Variants in PREX1 observed in about 807,000 individuals in gnomAD.
The protein encoded by PREX1 is phosphatidylinositol 3,4,5-trisphosphate-dependent Rac exchanger 1 protein.
PREX1 carries 41 observed loss-of-function variants against 198.3 expected under a neutral mutation model. The ratio of observed to expected loss-of-function variants is 0.21; its 90% CI spans 0.16 to 0.27. PREX1 has a LOEUF of 0.27. PREX1 is among the 10% of genes least tolerant of loss of function. The pLI, the probability that PREX1 is intolerant of heterozygous loss-of-function variation, is 1.00. For missense variants in PREX1, 1,620 were observed against 2,200.7 expected (o/e 0.74, Z 5.28); for synonymous variants, 843 against 887.2 (o/e 0.95, Z 0.89).
chr20:48,662,722 T>A (rs1342736875), intron 15 of PREX1, among the ~76,000 whole-genome samples: 1 of 152,234 alleles, frequency 6.6e-6, no homozygotes, highest in Non-Finnish European at 1.5e-5. Flanking sequence ...ACCCTGTATT[T>A]TGCTGCAGCC....
chr20:48,625,896 C>G lies in PREX1; in HGVS notation c.4969G>C (p.Gly1657Arg), dbSNP rs2089268279. The G allele has an allele frequency of 6.4e-7, 1 of 1,562,182 alleles. No individual in the cohort carries two copies. Among genetic ancestry groups the G allele is most frequent in the Non-Finnish European group, 8.6e-7 (1 of 1,157,034 alleles). ...GGGCATTTGGGTGTTCAGAGGTCCC[C>G]ATCCACCGGCGGCTGGCAGAGGCGG... is the stretch of plus-strand genomic sequence containing the variant. Reference protein sequence around the residue: ...LYRLCQPPVDGDL With the variant: ...LYRLCQPPVDRDL The change falls in exon 40 of 40, where the codon GGG (glycine) becomes CGG (arginine). Residue 1657 changes from glycine to arginine, a missense_variant. Physicochemically the swap from Gly to Arg is moderately radical, Grantham distance 125 (BLOSUM62 -2). This residue lies in a region of PREX1 where 476 missense variants were observed against 603.4 expected (regional missense o/e 0.79). Coordinates refer to ENST00000371941, the MANE Select transcript of PREX1 (RefSeq NM_020820.4).
chr20:48,741,194 G>C (rs73138245), intron 3 of PREX1, among the ~76,000 whole-genome samples: 3,966 of 152,292 alleles, frequency 0.026, 58 homozygotes, highest in Non-Finnish European at 0.039. Flanking sequence ...CAAACTTAGC[G>C]TGTGAGCTGA....
chr20:48,740,867 T>C (rs1217884968), intron 3 of PREX1, among the ~76,000 whole-genome samples: 1 of 152,260 alleles, frequency 6.6e-6, no homozygotes, highest in Non-Finnish European at 1.5e-5. Flanking sequence ...TAAGAGTTTC[T>C]AGATAGAATG....
At chr20:48,808,159 C>T (rs1325983453) in intron 1 of PREX1, among the ~76,000 whole-genome samples, 1 of 152,140 alleles carries the variant, frequency 6.6e-6, no homozygotes, top group African/African-American at 2.4e-5. Flanking sequence ...CAACGGGGTG[C>T]TTCCTGCTCT....
At chr20:48,730,488 T>C (rs549151859) in intron 4 of PREX1, among the ~76,000 whole-genome samples, 3 of 151,154 alleles carry the variant, frequency 2.0e-5, no homozygotes, top group African/African-American at 7.3e-5. Context: ...GATGCTAGAA[T>C]AGGAAAAACT....
At chr20:48,777,128 A>T (rs543782183) in intron 1 of PREX1, among the ~76,000 whole-genome samples, 2 of 152,258 alleles carry the variant, frequency 1.3e-5, no homozygotes, top group South Asian at 4.1e-4. Context: ...GCAACGGGGA[A>T]GTGAGGTAAG....
At chr20:48,650,340 G>T in intron 23 of PREX1, 134 bp from the exon 24 acceptor site, 2 of 875,616 alleles carry the variant, frequency 2.3e-6, no homozygotes, top group Non-Finnish European at 3.5e-6. Context: ...AGCTCCAAAT[G>T]AGAAGGGGAA....
intron 1 of PREX1, among the ~76,000 whole-genome samples, chr20:48,825,238 G>A (rs542152997): frequency 6.6e-6 from 1 of 152,168 alleles, no homozygotes; most frequent in Non-Finnish European, 1.5e-5. Flanking sequence ...TGGCTGGTCA[G>A]GTTACACAAT....
At chr20:48,797,067 A>T (rs1281621419) in intron 1 of PREX1, among the ~76,000 whole-genome samples, 1 of 152,016 alleles carries the variant, frequency 6.6e-6, no homozygotes, top group East Asian at 1.9e-4. Flanking sequence ...TACATTTTGC[A>T]TACAAGATAT....
At chr20:48,814,364 C>G (rs2090450207) in intron 1 of PREX1, among the ~76,000 whole-genome samples, 1 of 152,254 alleles carries the variant, frequency 6.6e-6, no homozygotes, top group East Asian at 1.9e-4. Context: ...CAGGCAGTGA[C>G]AGGTCAAGAA....
At chr20:48,781,135 C>T (rs2090287990) in intron 1 of PREX1, among the ~76,000 whole-genome samples, 1 of 152,112 alleles carries the variant, frequency 6.6e-6, no homozygotes, top group African/African-American at 2.4e-5. Flanking sequence ...AGGGGCCATG[C>T]TATCTAAATG....
At chr20:48,761,492 G>A (rs924772989) in intron 1 of PREX1, among the ~76,000 whole-genome samples, 1 of 145,514 alleles carries the variant, frequency 6.9e-6, no homozygotes, top group Non-Finnish European at 1.5e-5. Flanking sequence ...CCAGATTCTA[G>A]GCCCTGGTAA....
rs1317169629 is a variant in PREX1 at position 48,652,630 on chromosome 20, T to A, written c.2423A>T (p.Asp808Val). The A allele has an allele frequency of 6.2e-7, 1 of 1,613,340 alleles. No homozygotes were observed. The highest frequency in any genetic ancestry group is 1.1e-5 in the South Asian group (1 of 90,970). The change falls in exon 21 of 40, where the codon GAC becomes GTC. Residue 808 changes from aspartate (D) to valine (V), a missense_variant. By Grantham distance (152) the Asp-to-Val change is radical (BLOSUM62 -3). Transcript: ENST00000371941. ...CTCCTGGGCCTGCTCGCCACTGGGGTCCTCAGTGGAGGCCTCCTGACTGGC... is the reference window on the plus strand; with the variant it reads ...CTCCTGGGCCTGCTCGCCACTGGGGACCTCAGTGGAGGCCTCCTGACTGGC... ...ARASQEASTE[D>V]PSGEQAQEED... is the part of the protein sequence containing the mutation.
chr20:48,722,307 A>G (rs2089989919), intron 5 of PREX1, among the ~76,000 whole-genome samples: 1 of 152,230 alleles, frequency 6.6e-6, no homozygotes, highest in South Asian at 2.1e-4. Context: ...ACACGCTCCA[A>G]TGTGGCTGAA....
intron 15 of PREX1, 127 bp from the exon 16 acceptor site, chr20:48,660,188 T>C: frequency 8.7e-7 from 1 of 1,144,066 alleles, no homozygotes; most frequent in South Asian, 1.4e-5. Context: ...CACTATTCTA[T>C]TAAAATGGAA....
chr20:48,838,161 G>A, the PREX1 span, among the ~76,000 whole-genome samples: 2 of 152,146 alleles, frequency 1.3e-5, no homozygotes, highest in Admixed American at 6.5e-5. Flanking sequence ...CAGATGAGCC[G>A]CACAAAGGCT....
At chr20:48,637,681 G>A (rs2089375605) in intron 31 of PREX1, 30 bp downstream of exon 31, 2 of 1,590,916 alleles carry the variant, frequency 1.3e-6, no homozygotes, top group South Asian at 2.3e-5. Context: ...GGCCGGGTAT[G>A]TGCCCCCCAC....
At chr20:48,757,709 A>T (rs572105169) in intron 1 of PREX1, among the ~76,000 whole-genome samples, 1 of 152,272 alleles carries the variant, frequency 6.6e-6, no homozygotes, top group Non-Finnish European at 1.5e-5. Flanking sequence ...AGTCCTCAGT[A>T]AATGTCCAGT....
intron 4 of PREX1, among the ~76,000 whole-genome samples, chr20:48,733,927 AT>A (rs1421655648): frequency 1.3e-5 from 2 of 151,770 alleles, no homozygotes; most frequent in Admixed American, 6.6e-5. Flanking sequence ...ATTTTTTTGT[AT>A]TTTTAGTAGA....
Sources: allele counts gnomAD v4.1 joint callset (sites outside exome capture counted in the v4.1 genomes callset), GRCh38; gene constraint gnomAD v4.1.1; regional missense constraint gnomAD v4.1.1; transcripts MANE v1.5; gene names NCBI Gene and HGNC (gene_info 2026-07-23, HGNC 2026-07-21).